SORCS3: variants seen among roughly 807,000 people sequenced by gnomAD.
The protein encoded by SORCS3 is sortilin related VPS10 domain containing receptor 3.
SORCS3 carries 57 observed loss-of-function variants against 146.3 expected under a neutral mutation model. The ratio of observed to expected loss-of-function variants is 0.39; its 90% CI spans 0.31 to 0.49. SORCS3 has a LOEUF of 0.49. SORCS3 is among the 20% of genes least tolerant of loss of function. SORCS3 has a pLI of 0.92. For synonymous variants in SORCS3, 653 were observed against 618.5 expected (o/e 1.06, Z -0.83); for missense variants, 1,341 against 1,575.5 (o/e 0.85, Z 2.52).
At chr10:104,975,918 GA>G (rs2054894325) in intron 3 of SORCS3, among the ~76,000 whole-genome samples, 1 of 152,158 alleles carries the variant, frequency 6.6e-6, no homozygotes, top group Non-Finnish European at 1.5e-5. Flanking sequence ...ATTCAAGATG[GA>G]TTAAAGACTT....
At chr10:104,801,200 C>T (rs1437544040) in intron 1 of SORCS3, among the ~76,000 whole-genome samples, 5 of 152,162 alleles carry the variant, frequency 3.3e-5, no homozygotes, top group South Asian at 2.1e-4. Flanking sequence ...CAGACTCCCT[C>T]ATCTGTGAAA....
At chr10:105,097,463 G>C (rs1390457179) in intron 6 of SORCS3, among the ~76,000 whole-genome samples, 7 of 152,084 alleles carry the variant, frequency 4.6e-5, no homozygotes, top group Non-Finnish European at 8.8e-5. Flanking sequence ...CAGACCGACA[G>C]ACAGAAGGAC....
At chr10:104,671,744 T>C (rs1030951474) in intron 1 of SORCS3, among the ~76,000 whole-genome samples, 5 of 152,158 alleles carry the variant, frequency 3.3e-5, no homozygotes, top group African/African-American at 1.2e-4. Context: ...TCGTGTGTTT[T>C]TTTCCGTTTC....
chr10:104,689,061 T>C (rs2016083175), intron 1 of SORCS3, among the ~76,000 whole-genome samples: 2 of 152,220 alleles, frequency 1.3e-5, no homozygotes, highest in Admixed American at 6.5e-5. Flanking sequence ...ACACTTTGGC[T>C]CCTGTTCTTG....
chr10:104,826,861 T>G (rs2017941669), intron 1 of SORCS3, among the ~76,000 whole-genome samples: 3 of 152,268 alleles, frequency 2.0e-5, no homozygotes, highest in Admixed American at 2.0e-4. Flanking sequence ...GCCCTGCCAC[T>G]GCTTTATCCA....
At chr10:105,075,110 C>T (rs919095336) in intron 5 of SORCS3, among the ~76,000 whole-genome samples, 5 of 152,142 alleles carry the variant, frequency 3.3e-5, no homozygotes, top group East Asian at 1.9e-4. Context: ...ATTAACTCCC[C>T]GAATTCCTCC....
chr10:105,215,841 T>A (rs968905952), intron 18 of SORCS3, among the ~76,000 whole-genome samples: 1 of 152,180 alleles, frequency 6.6e-6, no homozygotes, highest in African/African-American at 2.4e-5. Flanking sequence ...TGGCTCATAA[T>A]TCCAAAATGA....
At chr10:105,057,767 G>A (rs2055455314) in intron 5 of SORCS3, among the ~76,000 whole-genome samples, 1 of 152,216 alleles carries the variant, frequency 6.6e-6, no homozygotes, top group South Asian at 2.1e-4. Context: ...TCAGCTGTCA[G>A]TGTATTGCTT....
chr10:105,240,304 G>A (rs1353129455), intron 20 of SORCS3, among the ~76,000 whole-genome samples: 2 of 152,216 alleles, frequency 1.3e-5, no homozygotes, highest in East Asian at 3.8e-4. Context: ...ACTGAGAGCT[G>A]AAGAAGATGA....
At chr10:104,905,662 AAGTT>A (rs948947160) in intron 2 of SORCS3, among the ~76,000 whole-genome samples, 4 of 152,184 alleles carry the variant, frequency 2.6e-5, no homozygotes, top group African/African-American at 9.7e-5. Flanking sequence ...CATGCACACA[AAGTT>A]AAATAATGGC....
At chr10:105,158,804 C>A in intron 10 of SORCS3, 88 bp from the exon 11 acceptor site, 5 of 983,778 alleles carry the variant, frequency 5.1e-6, no homozygotes, top group Admixed American at 1.9e-5. Context: ...TTTCTGGGAG[C>A]TGAACATCGG....
intron 23 of SORCS3, among the ~76,000 whole-genome samples, chr10:105,253,136 C>T (rs1383007574): frequency 2.6e-5 from 4 of 152,170 alleles, no homozygotes; most frequent in Non-Finnish European, 5.9e-5. Flanking sequence ...CAATGTCTGA[C>T]ATCCCTGTGC....
intron 1 of SORCS3, among the ~76,000 whole-genome samples, chr10:104,733,057 A>T (rs868749016): frequency 6.6e-6 from 1 of 152,226 alleles, no homozygotes; most frequent in African/African-American, 2.4e-5. Context: ...TTTGATTTCC[A>T]TGCAAGAACT....
At chr10:105,139,576 C>T in intron 8 of SORCS3, 90 bp downstream of exon 8, 2 of 1,025,352 alleles carry the variant, frequency 2.0e-6, no homozygotes, top group Admixed American at 1.8e-5. Flanking sequence ...GAGGTTTTAT[C>T]TGTTTGGAAG....
At chr10:104,884,049 C>T (rs1435114667) in intron 2 of SORCS3, among the ~76,000 whole-genome samples, 3 of 150,960 alleles carry the variant, frequency 2.0e-5, no homozygotes, top group Admixed American at 6.6e-5. Context: ...TGTAGCAAAC[C>T]AGGGCAGGCA....
chr10:104,736,897 C>T (rs955519086), intron 1 of SORCS3, among the ~76,000 whole-genome samples: 1 of 151,958 alleles, frequency 6.6e-6, no homozygotes, highest in African/African-American at 2.4e-5. Context: ...CGTCATTTAG[C>T]ATTAGGTTTA....
At chr10:105,024,086 A>ACTGTC in intron 4 of SORCS3, among the ~76,000 whole-genome samples, 1 of 152,186 alleles carries the variant, frequency 6.6e-6, no homozygotes, top group African/African-American at 2.4e-5. Context: ...TCATGGAAAC[A>ACTGTC]CTGTCAGTGT....
intron 3 of SORCS3, among the ~76,000 whole-genome samples, chr10:104,937,536 G>A (rs925068562): frequency 3.3e-5 from 5 of 152,152 alleles, no homozygotes; most frequent in Non-Finnish European, 7.4e-5. Flanking sequence ...CATCATGGCC[G>A]AAAGCTCACA....
rs370440044 is a variant in SORCS3 at position 105,128,974 on chromosome 10, G to T, written c.1213-10423G>T. ...CAAACTGCAAGAGATGGGTTACAAT[G>T]CCTAAAATTGCACATCTAATAAATG... On this transcript the variant is annotated intron_variant, in intron 7 of 26. Coordinates refer to ENST00000369701, the MANE Select transcript of SORCS3 (RefSeq NM_014978.3). 2.8e-4 allele frequency among the ~76,000 whole-genome samples: 43 copies of T among 152,208 alleles called. No homozygotes were observed. In the East Asian group the frequency reaches 7.9e-3, roughly 28 times the overall value.
Sources: allele counts gnomAD v4.1 joint callset (sites outside exome capture counted in the v4.1 genomes callset), GRCh38; gene constraint gnomAD v4.1.1; transcripts MANE v1.5; gene names NCBI Gene and HGNC (gene_info 2026-07-23, HGNC 2026-07-21).